PLEKHA5: variants seen among roughly 807,000 people sequenced by gnomAD.
The protein encoded by PLEKHA5 is pleckstrin homology domain-containing family A member 5.
PLEKHA5 carries 55 observed loss-of-function variants against 181.9 expected under a neutral mutation model. The observed-to-expected ratio is 0.30, with a 90% CI of 0.24 to 0.38. The LOEUF (loss-of-function observed/expected upper bound fraction) is 0.38. Among genes scored for constraint, PLEKHA5 ranks in the 10% least tolerant of loss-of-function variants. The pLI is 1.00. For missense variants in PLEKHA5, 1,432 were observed against 1,549.5 expected (o/e 0.92, Z 1.27); for synonymous variants, 535 against 529.4 (o/e 1.01, Z -0.15).
At chr12:19,326,575 A>T (rs2092126756) in intron 20 of PLEKHA5, among the ~76,000 whole-genome samples, 1 of 152,098 alleles carries the variant, frequency 6.6e-6, no homozygotes, top group African/African-American at 2.4e-5. Context: ...TATACTTTTT[A>T]TTTATTTTTA....
At chr12:19,223,928 AC>A (rs762212286) in intron 3 of PLEKHA5, among the ~76,000 whole-genome samples, 16 of 152,138 alleles carry the variant, frequency 1.1e-4, no homozygotes, top group Non-Finnish European at 2.2e-4. Context: ...CCAGCCACAT[AC>A]TTTGAATATC....
intron 15 of PLEKHA5, among the ~76,000 whole-genome samples, chr12:19,302,906 A>ATTTTTTTTTTTT (rs34702332): frequency 6.1e-4 from 33 of 53,992 alleles, no homozygotes; most frequent in East Asian, 2.3e-3. Context: ...TCTGTATGAA[A>ATTTTTTTTTTTT]TTTTTTTTTT....
chr12:19,365,270 G>A (rs889073363), intron 29 of PLEKHA5, among the ~76,000 whole-genome samples: 2 of 151,796 alleles, frequency 1.3e-5, no homozygotes, highest in African/African-American at 2.4e-5. Context: ...GGGAGGCTGA[G>A]GCAGGAGAAT....
At chr12:19,347,944 G>A (rs1447683353) in intron 24 of PLEKHA5, among the ~76,000 whole-genome samples, 2 of 146,642 alleles carry the variant, frequency 1.4e-5, no homozygotes, top group African/African-American at 2.6e-5. Flanking sequence ...GTGCAGTAGA[G>A]CAATCTCAGC....
chr12:19,288,418 A>G (rs2077697860), intron 13 of PLEKHA5, among the ~76,000 whole-genome samples: 1 of 152,228 alleles, frequency 6.6e-6, no homozygotes, highest in African/African-American at 2.4e-5. Flanking sequence ...AGTTAAAGAG[A>G]AAAGATGACT....
intron 3 of PLEKHA5, among the ~76,000 whole-genome samples, chr12:19,180,902 C>T (rs1205342571): frequency 1.3e-5 from 2 of 151,630 alleles, no homozygotes; most frequent in African/African-American, 2.4e-5. Flanking sequence ...TAAGCTCACC[C>T]GAGACCCAAG....
intron 11 of PLEKHA5, among the ~76,000 whole-genome samples, chr12:19,275,615 A>T (rs2074283193): frequency 6.6e-6 from 1 of 151,982 alleles, no homozygotes; most frequent in African/African-American, 2.4e-5. Flanking sequence ...AATTCTTAAA[A>T]ATTAGCCAAG....
chr12:19,203,455 T>A (rs2054656591), intron 3 of PLEKHA5, among the ~76,000 whole-genome samples: 1 of 152,034 alleles, frequency 6.6e-6, no homozygotes, highest in Non-Finnish European at 1.5e-5. Context: ...AGTTCTCCAG[T>A]CTCCACACCA....
intron 3 of PLEKHA5, among the ~76,000 whole-genome samples, chr12:19,217,745 A>G (rs1363605920): frequency 2.0e-5 from 3 of 152,322 alleles, no homozygotes; most frequent in Middle Eastern, 3.4e-3. Flanking sequence ...TGATGAGAAT[A>G]TTGATTGACC....
At chr12:19,178,067 G>C (rs2151798735) in intron 3 of PLEKHA5, among the ~76,000 whole-genome samples, 1 of 152,184 alleles carries the variant, frequency 6.6e-6, no homozygotes, top group South Asian at 2.1e-4. Flanking sequence ...ACGGCTCCTG[G>C]TGTGCTGTGA....
intron 3 of PLEKHA5, among the ~76,000 whole-genome samples, chr12:19,230,406 C>CG (rs1244136329): frequency 6.6e-6 from 1 of 152,116 alleles, no homozygotes; most frequent in East Asian, 1.9e-4. Flanking sequence ...CGTCGCAGAG[C>CG]GGGGGCGGTG....
intron 3 of PLEKHA5, among the ~76,000 whole-genome samples, chr12:19,194,618 C>A (rs1028464534): frequency 6.6e-6 from 1 of 152,058 alleles, no homozygotes; most frequent in Non-Finnish European, 1.5e-5. Context: ...ATTAGTATCC[C>A]CCTTTTACCT....
intron 13 of PLEKHA5, among the ~76,000 whole-genome samples, chr12:19,288,672 A>G (rs1182698027): frequency 6.6e-6 from 1 of 152,190 alleles, no homozygotes; most frequent in Non-Finnish European, 1.5e-5. Context: ...AGCTTCCTGC[A>G]GTTTATTTGC....
intron 26 of PLEKHA5, among the ~76,000 whole-genome samples, chr12:19,354,762 G>A (rs1460524694): frequency 2.0e-5 from 3 of 152,138 alleles, no homozygotes; most frequent in African/African-American, 4.8e-5. Flanking sequence ...GATTACAGGC[G>A]TGAGCCACCG....
intron 3 of PLEKHA5, among the ~76,000 whole-genome samples, chr12:19,224,708 C>T (rs1345615687): frequency 6.6e-6 from 1 of 152,148 alleles, no homozygotes; most frequent in African/African-American, 2.4e-5. Flanking sequence ...CAATGACCAT[C>T]ATTCAGTGTT....
At chr12:19,272,173 A>T (rs2073068885) in intron 10 of PLEKHA5, among the ~76,000 whole-genome samples, 2 of 152,174 alleles carry the variant, frequency 1.3e-5, no homozygotes, top group East Asian at 1.9e-4. Context: ...AAGAAAAAAA[A>T]ATCTAAGTAT....
rs1565564976 is a variant in PLEKHA5, at chr12:19,283,715, A to C, written c.1749A>C (p.Ile583=). 6.2e-7 allele frequency: 1 copy of C among 1,613,790 alleles called. No individual in the cohort carries two copies. The highest frequency in any genetic ancestry group is 2.2e-5 in the East Asian group (1 of 44,880). The change falls in exon 12 of 32, where the codon ATA becomes ATC. Residue 583 remains isoleucine, a synonymous_variant. Coordinates refer to ENST00000429027, the MANE Select transcript of PLEKHA5 (RefSeq NM_001256470.2). The part of the protein sequence containing the change: ...SSPIQRGDVT[I]DRRHRAHHPK... ...CAATTCAGAGAGGAGATGTGACAAT[A>C]GACCGCAGACACAGGGCCCATCACC...
chr12:19,205,168 A>G (rs75622324), intron 3 of PLEKHA5: 2,230 of 152,776 alleles, frequency 0.015, 30 homozygotes, highest in Middle Eastern at 0.077. Flanking sequence ...AATGATCTTT[A>G]TTAAATTTGC....
intron 27 of PLEKHA5, among the ~76,000 whole-genome samples, chr12:19,359,137 A>G (rs2095098018): frequency 6.6e-6 from 1 of 152,192 alleles, no homozygotes; most frequent in Admixed American, 6.6e-5. Flanking sequence ...CCACCGAATC[A>G]AGTGCAGGCA....
Sources: gnomAD v4.1 joint callset for allele counts (sites outside exome capture counted in the v4.1 genomes callset) on GRCh38, gnomAD v4.1.1 for gene constraint, MANE v1.5 for transcripts, NCBI Gene and HGNC (gene_info 2026-07-23, HGNC 2026-07-21) for gene names.